The following MGAM variants were observed in gnomAD, a reference collection of about 807,000 sequenced individuals.
MGAM encodes the protein alpha-1,4-glucosidase.
MGAM carries 253 observed loss-of-function variants against 358.8 expected under a neutral mutation model. The observed-to-expected ratio is 0.71, with a 90% CI of 0.64 to 0.78. MGAM has a LOEUF of 0.78. Among genes scored for constraint, MGAM ranks in the 30% least tolerant of loss-of-function variants. The pLI, the probability that MGAM is intolerant of heterozygous loss-of-function variation, is 0.00. For missense variants in MGAM, 3,080 were observed against 3,432.6 expected (o/e 0.90, Z 2.57); for synonymous variants, 1,105 against 1,227.1 (o/e 0.90, Z 2.08).
intron 57 of MGAM, among the ~76,000 whole-genome samples, chr7:142,089,520 A>G (rs1010183313): frequency 4.1e-5 from 6 of 146,488 alleles, no homozygotes; most frequent in African/African-American, 1.5e-4. Flanking sequence ...TATTAAAAGT[A>G]GGCCGGGCAT....
Position 142,060,299 on chromosome 7 carries a change from T to G in MGAM, c.4060-12T>G, listed in dbSNP as rs762234180. 3.1e-6 allele frequency: 5 copies of G among 1,613,604 alleles called. No individual in the cohort carries two copies. The African/African-American group carries it at 6.7e-5, about 22-fold the overall frequency. ...TCTAGTGCATCGCTACTGAACGTAT[T>G]TCTCTCCATAGGTCTGGCCTGATTT... On this transcript the variant is annotated splice_polypyrimidine_tract_variant and intron_variant, in intron 33 of 70. Transcript: ENST00000475668.
At chr7:142,053,044 T>C (rs1811169945) in intron 26 of MGAM, 60 bp downstream of exon 26, 1 of 1,544,094 alleles carries the variant, frequency 6.5e-7, no homozygotes, top group South Asian at 1.1e-5. Flanking sequence ...TTACCTTTTA[T>C]TGGTCTGGAT....
In MGAM at chr7:142,087,927, A is replaced by C. The variant is rs979232031; in HGVS notation, c.6810+1210A>C. Among the ~76,000 whole-genome samples, 14 of 146,314 alleles carry C rather than the reference A, an allele frequency of 9.6e-5. 1 individual carries two copies. Among genetic ancestry groups the C allele is most frequent in the Non-Finnish European group, 2.0e-4 (13 of 64,626 alleles). On this transcript the variant is annotated intron_variant, in intron 57 of 70. Coordinates refer to ENST00000475668, the MANE Select transcript of MGAM (RefSeq NM_001365693.1). ...TGTATCCCATGGACAGAGGTGCAGG[A>C]GAAACATTGATCACCAGGAATGTGA...
chr7:142,018,517 G>A (rs1806147840), intron 3 of MGAM, among the ~76,000 whole-genome samples: 1 of 152,226 alleles, frequency 6.6e-6, no homozygotes, highest in African/African-American at 2.4e-5. Context: ...AGAGGAGAGA[G>A]TTCTTTGTCC....
chr7:142,027,814 C>T (rs1472703844), intron 10 of MGAM, 79 bp downstream of exon 10: 4 of 1,355,288 alleles, frequency 3.0e-6, no homozygotes, highest in Non-Finnish European at 3.9e-6. Flanking sequence ...TATTTTCTCT[C>T]CCTGAGTTTA....
In MGAM at chr7:142,071,689, A is replaced by G. The variant is rs1813362960; in HGVS notation, c.5186+571A>G. 8.2e-5 allele frequency among the ~76,000 whole-genome samples: 12 copies of G among 145,698 alleles called. 3 individuals carry two copies. In the Admixed American group the frequency reaches 8.3e-4, roughly 10 times the overall value. ...CTCTTGAATCACTTATTCTCATTTT[A>G]GGAGGGTCAGGATCCACTTTCCACC... On this transcript the variant is annotated intron_variant, in intron 44 of 70. Coordinates refer to ENST00000475668, the MANE Select transcript of MGAM (RefSeq NM_001365693.1).
rs751944457 is a variant in MGAM at position 142,105,886 on chromosome 7, CTG to C, written c.8260_8261del (p.Ter2754AsnfsTer12). 4.4e-6 allele frequency: 7 copies of C among 1,607,372 alleles called. No homozygotes were observed. The African/African-American group carries it at 5.3e-5, about 12-fold the overall frequency. Reference protein sequence around the residue: ...NFTSLTWISTL With the variant: ...NFTSLTWISTX ...TACTTCATTGACGTGGATAAGCACT[CTG>C]TGAATTTTTACAGCAAGATTCTAAC... On this transcript the variant is annotated frameshift_variant, in exon 71 of 71. Transcript: ENST00000475668. LOFTEE classifies it high-confidence loss of function.
At chr7:142,051,973 A>G (rs886133799) in intron 24 of MGAM, among the ~76,000 whole-genome samples, 1 of 152,152 alleles carries the variant, frequency 6.6e-6, no homozygotes, top group Non-Finnish European at 1.5e-5. Context: ...CTTTAGGATG[A>G]CATCATGTGT....
At chr7:142,018,700 T>C (rs565283043) in intron 3 of MGAM, among the ~76,000 whole-genome samples, 1 of 152,282 alleles carries the variant, frequency 6.6e-6, no homozygotes, top group African/African-American at 2.4e-5. Context: ...TCTGGAGGAG[T>C]TGAGAGACTG....
intron 21 of MGAM, among the ~76,000 whole-genome samples, chr7:142,045,437 TTA>T (rs1204174181): frequency 1.8e-5 from 2 of 111,940 alleles, no homozygotes; most frequent in East Asian, 5.1e-4. Context: ...ACATGATATA[TTA>T]TATATACCTA....
Position 142,030,707 on chromosome 7 carries a change from A to T in MGAM, c.1420A>T (p.Met474Leu). 6.2e-7 allele frequency: 1 copy of T among 1,613,102 alleles called. No homozygotes were observed. Among genetic ancestry groups the T allele is most frequent in the Non-Finnish European group, 8.5e-7 (1 of 1,179,234 alleles). Residue 474 changes from methionine (M) to leucine (L), a missense_variant, in exon 12 of 71, where the codon ATG (methionine) becomes TTG (leucine). Around this residue, in one of 5 missense-constraint regions of MGAM, gnomAD observed 1,816 missense variants for 1,840.5 expected, o/e 0.99. Coordinates refer to ENST00000475668, the MANE Select transcript of MGAM (RefSeq NM_001365693.1). ...TGGCCCATATGACAGGGGTTCAGAT[A>T]TGAAGATATGGGTGAATAGTTCAGA... ...PYGPYDRGSD[M>L]KIWVNSSDGV...
At chr7:142,029,674 G>C (rs562007558) in intron 10 of MGAM, among the ~76,000 whole-genome samples, 3 of 152,276 alleles carry the variant, frequency 2.0e-5, no homozygotes, top group Non-Finnish European at 4.4e-5. Flanking sequence ...GTATGGACAT[G>C]TAATAAAACA....
chr7:142,097,715 A>T, intron 66 of MGAM, 66 bp downstream of exon 66: 2 of 1,493,998 alleles, frequency 1.3e-6, no homozygotes, highest in Non-Finnish European at 1.9e-6. Flanking sequence ...TTTAGATCTG[A>T]TAGACCTTAG....
intron 69 of MGAM, among the ~76,000 whole-genome samples, 186 bp from the exon 70 acceptor site, chr7:142,103,083 T>C (rs1276354043): frequency 6.6e-6 from 1 of 152,142 alleles, no homozygotes; most frequent in East Asian, 1.9e-4. Flanking sequence ...TGCTTGTCAA[T>C]GCAAAGTGGA....
At chr7:141,992,278 G>A (rs1378811318), upstream of MGAM, among the ~76,000 whole-genome samples, 1 of 152,150 alleles carries the variant, frequency 6.6e-6, no homozygotes, top group Non-Finnish European at 1.5e-5. Context: ...CAGAGACTTA[G>A]TTGCTTAAGC....
chr7:142,089,261 G>A (rs1039255020), intron 57 of MGAM, among the ~76,000 whole-genome samples: 3 of 146,358 alleles, frequency 2.0e-5, no homozygotes, highest in African/African-American at 7.3e-5. Flanking sequence ...TTGGAAATCT[G>A]AGGGCAGTGT....
chr7:142,013,202 C>T (rs1352089651), intron 3 of MGAM, among the ~76,000 whole-genome samples: 3 of 151,852 alleles, frequency 2.0e-5, no homozygotes, highest in African/African-American at 4.8e-5. Flanking sequence ...CAGATCAGAG[C>T]AGGATGGGGT....
intron 17 of MGAM, 45 bp from the exon 18 acceptor site, chr7:142,036,778 T>C: frequency 6.3e-7 from 1 of 1,585,000 alleles, no homozygotes; most frequent in Non-Finnish European, 8.6e-7. Context: ...GTGCTTCTGC[T>C]ATCCTGCAGC....
chr7:142,058,104 G>T (rs780733796), intron 30 of MGAM, 99 bp from the exon 31 acceptor site: 1 of 1,562,220 alleles, frequency 6.4e-7, no homozygotes, highest in Admixed American at 1.8e-5. Flanking sequence ...TTAGTTAGTT[G>T]TCTAGCTTGG....
Sources: allele counts gnomAD v4.1 joint callset (sites outside exome capture counted in the v4.1 genomes callset), GRCh38; gene constraint gnomAD v4.1.1; regional missense constraint gnomAD v4.1.1; transcripts MANE v1.5; gene names NCBI Gene and HGNC (gene_info 2026-07-23, HGNC 2026-07-21).